The following SCFD2 variants were observed in gnomAD, a reference collection of about 807,000 sequenced individuals.
SCFD2 encodes the protein sec1 family domain-containing protein 2.
SCFD2 carries 54 observed loss-of-function variants against 58.9 expected under a neutral mutation model. The ratio of observed to expected loss-of-function variants is 0.92; its 90% CI spans 0.74 to 1.15. The LOEUF (loss-of-function observed/expected upper bound fraction) is 1.15, where lower values mean the gene tolerates loss of function less well. Among genes scored for constraint, SCFD2 ranks in the 50% most tolerant of loss-of-function variants. SCFD2 has a pLI of 0.00. For synonymous variants in SCFD2, 321 were observed against 335.9 expected (o/e 0.96, Z 0.49); for missense variants, 805 against 836.6 (o/e 0.96, Z 0.47).
intron 5 of SCFD2, among the ~76,000 whole-genome samples, chr4:53,031,611 AAC>A (rs1259412224): frequency 2.0e-5 from 3 of 152,222 alleles, no homozygotes; most frequent in African/African-American, 7.2e-5. Flanking sequence ...GTAGATGAAA[AAC>A]ACAGCACGAG....
intron 5 of SCFD2, among the ~76,000 whole-genome samples, chr4:52,974,204 C>G (rs1721188416): frequency 6.6e-6 from 1 of 152,232 alleles, no homozygotes; most frequent in East Asian, 1.9e-4. Context: ...AAAGGGCATT[C>G]AATTAGGAAA....
At chr4:52,978,742 T>C (rs530988709) in intron 5 of SCFD2, among the ~76,000 whole-genome samples, 1 of 151,884 alleles carries the variant, frequency 6.6e-6, no homozygotes, top group East Asian at 1.9e-4. Flanking sequence ...TTAGGTAAAA[T>C]GTATGCTTTA....
At chr4:53,239,158 A>G (rs1577882319) in intron 4 of SCFD2, among the ~76,000 whole-genome samples, 1 of 151,302 alleles carries the variant, frequency 6.6e-6, no homozygotes, top group South Asian at 2.1e-4. Context: ...TAGGGGCTGG[A>G]GACTGGCCTG....
chr4:52,972,186 T>C (rs1721121745), intron 5 of SCFD2, among the ~76,000 whole-genome samples: 1 of 152,138 alleles, frequency 6.6e-6, no homozygotes, highest in African/African-American at 2.4e-5. Flanking sequence ...TAAATGCAAA[T>C]GGGCTAAATG....
intron 2 of SCFD2, among the ~76,000 whole-genome samples, chr4:53,328,296 C>A (rs1427188108): frequency 6.6e-6 from 1 of 152,092 alleles, no homozygotes; most frequent in Non-Finnish European, 1.5e-5. Context: ...GCACACTGAG[C>A]CCAGATCTTG....
intron 6 of SCFD2, among the ~76,000 whole-genome samples, chr4:52,918,051 C>T (rs1719648889): frequency 6.6e-6 from 1 of 152,108 alleles, no homozygotes; most frequent in East Asian, 1.9e-4. Context: ...GAACCCAGGG[C>T]CAGGCCAGCT....
chr4:53,209,945 G>A (rs1728556716), intron 4 of SCFD2, among the ~76,000 whole-genome samples: 1 of 152,058 alleles, frequency 6.6e-6, no homozygotes, highest in African/African-American at 2.4e-5. Context: ...TTAAAAAAAA[G>A]TTGATGTATG....
At chr4:53,362,657 C>T (rs138613699) in intron 1 of SCFD2, among the ~76,000 whole-genome samples, 3 of 146,530 alleles carry the variant, frequency 2.0e-5, no homozygotes, top group East Asian at 4.0e-4. Flanking sequence ...GTATAGACAA[C>T]TCTTTCAAGT....
chr4:53,207,389 C>T (rs1356429482), intron 4 of SCFD2, among the ~76,000 whole-genome samples: 1 of 144,394 alleles, frequency 6.9e-6, no homozygotes, highest in Admixed American at 7.2e-5. Flanking sequence ...AACTGCTATA[C>T]TGACAAAACC....
chr4:52,945,974 GC>G, intron 5 of SCFD2, among the ~76,000 whole-genome samples: 1 of 152,074 alleles, frequency 6.6e-6, no homozygotes, highest in Non-Finnish European at 1.5e-5. Context: ...AAAAGCAAAT[GC>G]TGCATCCTTT....
chr4:52,996,623 G>A (rs1449902635), intron 5 of SCFD2, among the ~76,000 whole-genome samples: 5 of 152,204 alleles, frequency 3.3e-5, no homozygotes, highest in African/African-American at 1.2e-4. Context: ...CTTGGGGTGA[G>A]AAGAGGGAGA....
chr4:52,883,367 T>C (rs1005894586), intron 8 of SCFD2, among the ~76,000 whole-genome samples: 5 of 152,352 alleles, frequency 3.3e-5, no homozygotes, highest in African/African-American at 9.6e-5. Context: ...TGATAAAGAA[T>C]GCCTTTTCTG....
At chr4:53,330,225 G>T (rs1733391233) in intron 2 of SCFD2, among the ~76,000 whole-genome samples, 1 of 152,058 alleles carries the variant, frequency 6.6e-6, no homozygotes, top group Non-Finnish European at 1.5e-5. Flanking sequence ...CCAACGTTCA[G>T]ATTCAGGAAA....
chr4:53,227,238 C>A (rs1313782754), intron 4 of SCFD2, among the ~76,000 whole-genome samples: 1 of 151,828 alleles, frequency 6.6e-6, no homozygotes, highest in Non-Finnish European at 1.5e-5. Flanking sequence ...AGAAAGGTGA[C>A]AAAATTAAGT....
intron 5 of SCFD2, among the ~76,000 whole-genome samples, chr4:53,007,697 A>G (rs1722009677): frequency 6.6e-6 from 1 of 152,212 alleles, no homozygotes; most frequent in Admixed American, 6.5e-5. Flanking sequence ...TACTCTATCA[A>G]AGTTTGATAA....
chr4:53,207,995 T>C (rs1487068706), intron 4 of SCFD2, among the ~76,000 whole-genome samples: 1 of 151,228 alleles, frequency 6.6e-6, no homozygotes, highest in African/African-American at 2.4e-5. Flanking sequence ...TCTAGCTCTA[T>C]CACTAGGCTG....
intron 7 of SCFD2, among the ~76,000 whole-genome samples, chr4:52,895,246 G>A (rs900677200): frequency 5.3e-5 from 8 of 151,884 alleles, no homozygotes; most frequent in African/African-American, 1.9e-4. Flanking sequence ...AAGTATACGT[G>A]TGCCATGTGG....
At chr4:53,016,420 A>C (rs1339222934) in intron 5 of SCFD2, among the ~76,000 whole-genome samples, 1 of 152,238 alleles carries the variant, frequency 6.6e-6, no homozygotes, top group Admixed American at 6.5e-5. Flanking sequence ...GAAAGCAAGC[A>C]AGTCACATCT....
At chr4:53,217,734 G>C (rs1037715734) in intron 4 of SCFD2, among the ~76,000 whole-genome samples, 2 of 152,104 alleles carry the variant, frequency 1.3e-5, no homozygotes, top group Admixed American at 1.3e-4. Context: ...TTTCTTCATG[G>C]TATCAATGGT....
Sources: gnomAD v4.1 joint callset for allele counts (sites outside exome capture counted in the v4.1 genomes callset) on GRCh38, gnomAD v4.1.1 for gene constraint, MANE v1.5 for transcripts, NCBI Gene and HGNC (gene_info 2026-07-23, HGNC 2026-07-21) for gene names.